Variants in GAMT observed in about 807,000 individuals in gnomAD.
GAMT encodes the protein epididymis secretory protein Li 20.
In GAMT, 26 loss-of-function variants were observed where a neutral mutation model predicts 26.9. That is an observed-to-expected ratio of 0.97 (90% CI 0.71 to 1.34). The LOEUF is 1.34. GAMT is among the 40% of genes most tolerant of loss of function. GAMT has a pLI of 0.00. For synonymous variants in GAMT, 169 were observed against 149.6 expected (o/e 1.13, Z -0.95); for missense variants, 412 against 345.0 (o/e 1.19, Z -1.54).
intron 5 of GAMT, chr19:1,398,410 T>C (rs568274982): frequency 4.8e-5 from 17 of 357,858 alleles, no homozygotes; most frequent in Non-Finnish European, 8.0e-5. Flanking sequence ...ATTTCCATTT[T>C]TTTTTTAAAT....
Position 1,401,420 on chromosome 19 carries a change from C to T in GAMT, c.57G>A (p.Ala19=). ...CGTAGGCCGCGGGCGCCGCCCCCCA[C>T]GCGGGGCTGCAGTTCTCGCCGGGCG... ...IFAPGENCSP[A]WGAAPAAYDA... The change falls in exon 1 of 6, where the codon GCG becomes GCA. Residue 19 remains alanine (A), a synonymous_variant. Transcript: ENST00000252288. 1.4e-6 allele frequency: 2 copies of T among 1,446,812 alleles called. No individual in the cohort carries two copies. The highest frequency in any genetic ancestry group is 9.1e-7 in the Non-Finnish European group (1 of 1,101,526). The allele number at this position is 1,446,812 out of a possible 1,614,324, so 89.6% of individuals were successfully genotyped here.
In GAMT at chr19:1,399,950, CAG is replaced by C; in HGVS notation, c.182-14_182-13del. 5 of 1,601,778 alleles carry C rather than the reference CAG, an allele frequency of 3.1e-6. No homozygotes were observed. The highest frequency in any genetic ancestry group is 4.3e-6 in the Non-Finnish European group (5 of 1,175,882). On this transcript the variant is annotated splice_polypyrimidine_tract_variant and intron_variant, in intron 1 of 5. Transcript: ENST00000252288. The surrounding 1 kb of genome is among the most constrained non-coding windows in gnomAD (Gnocchi z 6.2). ...CAGGACCCGGCCCCCTGGGCAGACA[CAG>C]GGCGCCTGGCATCACTAGGTGGGGC...
intron 5 of GAMT, chr19:1,397,744 C>T (rs890116023): frequency 5.7e-6 from 8 of 1,403,104 alleles, no homozygotes; most frequent in Non-Finnish European, 7.4e-6. Flanking sequence ...CACCCCCGGG[C>T]ACCTACTCCA....
chr19:1,400,759 T>C (rs2082629327), intron 1 of GAMT, among the ~76,000 whole-genome samples: 1 of 152,122 alleles, frequency 6.6e-6, no homozygotes, highest in Admixed American at 6.5e-5. Flanking sequence ...GTGGGAACAC[T>C]GAGGCCCGAC....
chr19:1,399,412 C>T lies in GAMT; in HGVS notation c.391+112G>A. On this transcript the variant is annotated intron_variant, in intron 3 of 5. Coordinates refer to ENST00000252288, the MANE Select transcript of GAMT (RefSeq NM_000156.6). The surrounding 1 kb of genome is among the most constrained non-coding windows in gnomAD (Gnocchi z 6.2). ...CCGCCATCCCACAGCCAGGCCCACA[C>T]CCACTTGGGCTCTGTCCCCCCAGTG... 1 of 1,122,768 alleles carries T rather than the reference C, an allele frequency of 8.9e-7. No individual in the cohort carries two copies. The highest frequency in any genetic ancestry group is 1.3e-6 in the Non-Finnish European group (1 of 765,694). The allele number at this position is 1,122,768 out of a possible 1,614,324, so 69.6% of individuals were successfully genotyped here. A position where few individuals can be genotyped will look rare whatever the true frequency, so the allele number is the denominator to read the frequency against.
At chr19:1,400,917 GCTCTCCCAGGCAGGCAGAAGGGCAGC>G (rs2082630067) in intron 1 of GAMT, among the ~76,000 whole-genome samples, 1 of 152,190 alleles carries the variant, frequency 6.6e-6, no homozygotes, top group Admixed American at 6.5e-5. Flanking sequence ...AGTCGGGGCT[GCTCTCCCAGGCAGGCAGAAGGGCAGC>G]CTCTCCCTGG....
Position 1,399,649 on chromosome 19 carries a change from T to C in GAMT, c.328-62A>G, listed in dbSNP as rs935298770. On this transcript the variant is annotated intron_variant, in intron 2 of 5. Transcript: ENST00000252288. This position sits in a 1 kb window ranked among gnomAD's most constrained non-coding sequence, Gnocchi z 6.2. ...GAGAGGTCCCCAGGATCTCCCCACC[T>C]GCAGAAAGGGAGCGGCCAGGGGGAC... 7.0e-6 allele frequency: 11 copies of C among 1,564,796 alleles called. No homozygotes were observed. In the African/African-American group the frequency reaches 1.1e-4, roughly 15 times the overall value.
rs367871393 is a variant in GAMT at position 1,399,862 on chromosome 19, A to G, written c.258T>C (p.His86=). The part of the protein sequence containing the change: ...SKVQEAPIDE[H]WIIECNDGVF... ...CGCCGTCATTGCACTCGATGATCCA[A>G]TGCTCATCAATGGGCGCCTCCTGCA... Residue 86 remains histidine, a synonymous_variant, in exon 2 of 6, where the codon CAT becomes CAC. Transcript: ENST00000252288. The surrounding 1 kb of genome is among the most constrained non-coding windows in gnomAD (Gnocchi z 6.2). 40 of 1,603,182 alleles carry G rather than the reference A, an allele frequency of 2.5e-5. No homozygotes were observed. In the African/African-American group the frequency reaches 4.0e-4, roughly 16 times the overall value.
rs2082624434 is a variant in GAMT at position 1,399,963 on chromosome 19, A to G, written c.182-25T>C. The G allele has an allele frequency of 2.5e-6, 4 of 1,593,484 alleles. No homozygotes were observed. Among genetic ancestry groups the G allele is most frequent in the Non-Finnish European group, 3.4e-6 (4 of 1,172,300 alleles). On this transcript the variant is annotated intron_variant, in intron 1 of 5. Coordinates refer to ENST00000252288, the MANE Select transcript of GAMT (RefSeq NM_000156.6). The surrounding 1 kb of genome is among the most constrained non-coding windows in gnomAD (Gnocchi z 6.2). ...CCTGGGCAGACACAGGGCGCCTGGC[A>G]TCACTAGGTGGGGCGGGCTTAGGAG...
rs1355291180 is a variant in GAMT at position 1,397,484 on chromosome 19, C to T, written c.586G>A (p.Ala196Thr). ...TIMFEETQVPALLEAGFRREN... is the reference protein window; with the variant it reads ...TIMFEETQVPTLLEAGFRREN... ...CTCCGGAAGCCGGCCTCCAGCAGCG[C>T]GGGCACCTGCGTCTCCTGGTCGGGG... Residue 196 changes from alanine (A) to threonine (T), a missense_variant, in exon 6 of 6, where the codon GCG becomes ACG. Ala to Thr is a moderately conservative substitution (Grantham distance 58). Coordinates refer to ENST00000252288, the MANE Select transcript of GAMT (RefSeq NM_000156.6). The T allele has an allele frequency of 5.0e-6, 8 of 1,605,320 alleles. No homozygotes were observed. In the East Asian group the frequency reaches 1.1e-4, roughly 22 times the overall value.
At chr19:1,398,593 G>A (rs1176287484) in intron 5 of GAMT, 9 of 729,120 alleles carry the variant, frequency 1.2e-5, no homozygotes, top group East Asian at 2.7e-5. Flanking sequence ...ACGCCACCAC[G>A]CCCAGCTAGT....
intron 1 of GAMT, among the ~76,000 whole-genome samples, chr19:1,400,322 G>A (rs1231189582): frequency 6.6e-6 from 1 of 152,048 alleles, no homozygotes; most frequent in Non-Finnish European, 1.5e-5. Flanking sequence ...AGGGGGTGCA[G>A]GGCTGAACTA....
Position 1,397,461 on chromosome 19 carries a change from C to T in GAMT, c.609G>A (p.Arg203=). Residue 203 remains arginine (R), a synonymous_variant, in exon 6 of 6, where the codon CGG becomes CGA. Coordinates refer to ENST00000252288, the MANE Select transcript of GAMT (RefSeq NM_000156.6). ...QVPALLEAGF[R]RENIRTEVMA... ...TCACCTCCGTACGGATGTTCTCCCT[C>T]CGGAAGCCGGCCTCCAGCAGCGCGG... 1 of 1,608,902 alleles carries T rather than the reference C, an allele frequency of 6.2e-7. No individual in the cohort carries two copies. The highest frequency in any genetic ancestry group is 8.5e-7 in the Non-Finnish European group (1 of 1,179,888).
At position 1,397,192 on chromosome 19, in the gene GAMT, A is replaced by G. The variant is rs2082604537; in HGVS notation, c.*167T>C. 9.2e-6 allele frequency: 7 copies of G among 764,670 alleles called. No individual in the cohort carries two copies. The highest frequency in any genetic ancestry group is 1.2e-5 in the Non-Finnish European group (6 of 481,112). The allele number at this position is 764,670 out of a possible 1,614,324, so 47.4% of individuals were successfully genotyped here. A position where few individuals can be genotyped will look rare whatever the true frequency, so the allele number is the denominator to read the frequency against. On this transcript the variant is annotated 3_prime_UTR_variant, in exon 6 of 6. Coordinates refer to ENST00000252288, the MANE Select transcript of GAMT (RefSeq NM_000156.6). Reference sequence around the variant, plus strand: ...AGAGAAGCTGGGAAAGCTGCTGGTGACACACAGCTGGGATCAGCCCTGGGC... The same window carrying G: ...AGAGAAGCTGGGAAAGCTGCTGGTGGCACACAGCTGGGATCAGCCCTGGGC...
intron 1 of GAMT, 69 bp downstream of exon 1, chr19:1,401,226 CG>C (rs2082631570): frequency 4.0e-6 from 5 of 1,247,202 alleles, no homozygotes; most frequent in Non-Finnish European, 5.2e-6. Flanking sequence ...GCAGAGTCCC[CG>C]GGTCGGGGCA....
intron 5 of GAMT, 42 bp downstream of exon 5, chr19:1,398,874 G>A (rs896798565): frequency 1.2e-6 from 2 of 1,610,418 alleles, no homozygotes; most frequent in South Asian, 2.2e-5. Context: ...CCCATCCAAG[G>A]TCACTTCCTG....
Position 1,399,167 on chromosome 19 carries a change from C to T in GAMT, c.420G>A (p.Ser140=), listed in dbSNP as rs776155730. Residue 140 remains serine, a synonymous_variant, in exon 4 of 6, where the codon TCG becomes TCA. Coordinates refer to ENST00000252288, the MANE Select transcript of GAMT (RefSeq NM_000156.6). This position sits in a 1 kb window ranked among gnomAD's most constrained non-coding sequence, Gnocchi z 6.2. The part of the protein sequence containing the change: ...DGILYDTYPL[S]EETWHTHQFN... Reference sequence around the variant, plus strand: ...ACTGGTGTGTGTGCCAGGTCTCCTCCGAGAGTGGGTACGTGTCGTACAGGA... The same window carrying T: ...ACTGGTGTGTGTGCCAGGTCTCCTCTGAGAGTGGGTACGTGTCGTACAGGA... 10 of 1,613,632 alleles carry T rather than the reference C, an allele frequency of 6.2e-6. No individual in the cohort carries two copies. The highest frequency in any genetic ancestry group is 2.7e-5 in the African/African-American group (2 of 74,922).
chr19:1,399,396 C>T lies in GAMT; in HGVS notation c.391+128G>A, dbSNP rs1379670223. ...GCCCATCCCCGGTGCTCCGCCATCC[C>T]ACAGCCAGGCCCACACCCACTTGGG... On this transcript the variant is annotated intron_variant, in intron 3 of 5. Coordinates refer to ENST00000252288, the MANE Select transcript of GAMT (RefSeq NM_000156.6). The surrounding 1 kb of genome is among the most constrained non-coding windows in gnomAD (Gnocchi z 6.2). 1 of 1,070,038 alleles carries T rather than the reference C, an allele frequency of 9.3e-7. No homozygotes were observed. The highest frequency in any genetic ancestry group is 1.4e-6 in the Non-Finnish European group (1 of 717,634). The allele number at this position is 1,070,038 out of a possible 1,614,324, so 66.3% of individuals were successfully genotyped here.
Position 1,399,289 on chromosome 19 carries a change from G to GA in GAMT, c.392-95dup. 4 of 1,404,664 alleles carry GA rather than the reference G, an allele frequency of 2.8e-6. No homozygotes were observed. The highest frequency in any genetic ancestry group is 3.6e-4 in the Middle Eastern group (2 of 5,610). 87.0% of individuals were successfully genotyped at this position (1,404,664 alleles called of 1,614,324 possible). A position where few individuals can be genotyped will look rare whatever the true frequency, so the allele number is the denominator to read the frequency against. ...ATCCCCCAGCGGGTGGAGGTGCAGTGAGACGGGGCCGTGGGTAGAGGTGGG... is the reference window on the plus strand; with the variant it reads ...ATCCCCCAGCGGGTGGAGGTGCAGTGAAGACGGGGCCGTGGGTAGAGGTGGG... On this transcript the variant is annotated intron_variant, in intron 3 of 5. Coordinates refer to ENST00000252288, the MANE Select transcript of GAMT (RefSeq NM_000156.6). This position sits in a 1 kb window ranked among gnomAD's most constrained non-coding sequence, Gnocchi z 6.2.
Sources: gnomAD v4.1 joint callset for allele counts (sites outside exome capture counted in the v4.1 genomes callset) on GRCh38, gnomAD v4.1.1 for gene constraint, Gnocchi (gnomAD v3.1) non-coding constraint, MANE v1.5 for transcripts, NCBI Gene and HGNC (gene_info 2026-07-23, HGNC 2026-07-21) for gene names.